Variants in SNX29 observed in about 807,000 individuals in gnomAD.
SNX29 encodes sorting nexin-29.
Under a neutral mutation model 102.1 loss-of-function variants are expected in SNX29, and 78 were observed. The observed-to-expected ratio is 0.76, with a 90% confidence interval of 0.64 to 0.92. SNX29 has a LOEUF of 0.92. Ranked by LOEUF, SNX29 falls within the 40% of genes least tolerant of loss-of-function variation. The pLI, the probability that SNX29 is intolerant of heterozygous loss-of-function variation, is 0.00. For synonymous variants in SNX29, 580 were observed against 414.5 expected, an observed-to-expected ratio of 1.40 and a Z score of -4.85; for missense variants, 1,280 against 1,061.7, an observed-to-expected ratio of 1.21 and a Z score of -2.86.
intron 15 of SNX29, among the ~76,000 whole-genome samples, chr16:12,351,071 T>A (rs2081979366): frequency 6.6e-6 from 1 of 152,204 alleles, no homozygotes; most frequent in African/African-American, 2.4e-5. Flanking sequence ...CTCTGTCACT[T>A]CCTTGTCCTG....
chr16:12,539,482 G>A (rs1243359740), intron 20 of SNX29, among the ~76,000 whole-genome samples: 2 of 152,324 alleles, frequency 1.3e-5, no homozygotes, highest in East Asian at 1.9e-4. Context: ...GGTTTATCTA[G>A]TCATAAAGGA....
intron 18 of SNX29, among the ~76,000 whole-genome samples, chr16:12,466,772 G>A (rs916198325): frequency 6.6e-6 from 1 of 152,230 alleles, no homozygotes; most frequent in Non-Finnish European, 1.5e-5. Context: ...GGCCATAGCA[G>A]TTGGCTGCCT....
At chr16:12,308,533 T>G (rs1354993121) in intron 15 of SNX29, among the ~76,000 whole-genome samples, 1 of 152,108 alleles carries the variant, frequency 6.6e-6, no homozygotes, top group Non-Finnish European at 1.5e-5. Context: ...TCGTCATCCC[T>G]CCTTCATGTT....
At chr16:11,991,717 T>C (rs2150989081) in intron 1 of SNX29, among the ~76,000 whole-genome samples, 1 of 148,822 alleles carries the variant, frequency 6.7e-6, no homozygotes, top group South Asian at 2.1e-4. Flanking sequence ...TAATCTTTTT[T>C]TTTTTTTTTT....
At chr16:12,066,203 C>G (rs2051029419) in intron 9 of SNX29, among the ~76,000 whole-genome samples, 1 of 152,184 alleles carries the variant, frequency 6.6e-6, no homozygotes, top group Non-Finnish European at 1.5e-5. Context: ...TAGTCTGACT[C>G]TGCATGAGTT....
intron 15 of SNX29, among the ~76,000 whole-genome samples, chr16:12,327,122 TC>T (rs1341621815): frequency 7.2e-5 from 11 of 152,130 alleles, no homozygotes; most frequent in Non-Finnish European, 1.5e-4. Context: ...ACCTCTGTCT[TC>T]CCCCTGTAAG....
At chr16:12,554,084 C>T (rs1217243494) in intron 20 of SNX29, among the ~76,000 whole-genome samples, 2 of 152,204 alleles carry the variant, frequency 1.3e-5, no homozygotes, top group African/African-American at 2.4e-5. Flanking sequence ...CCTTGGCCTC[C>T]CAAAAGCACT....
At chr16:12,497,020 G>A (rs1423751203) in intron 19 of SNX29, among the ~76,000 whole-genome samples, 2 of 152,172 alleles carry the variant, frequency 1.3e-5, no homozygotes, top group Non-Finnish European at 1.5e-5. Flanking sequence ...GGCCTTGGGT[G>A]AAGCCCAAGT....
chr16:12,282,775 C>T (rs1022088874), intron 15 of SNX29, among the ~76,000 whole-genome samples: 2 of 152,194 alleles, frequency 1.3e-5, no homozygotes, highest in African/African-American at 4.8e-5. Flanking sequence ...TCTGCCTCAG[C>T]CTCCTGAGTA....
intron 15 of SNX29, among the ~76,000 whole-genome samples, chr16:12,353,820 G>T (rs1352189909): frequency 6.6e-6 from 1 of 152,228 alleles, no homozygotes; most frequent in Non-Finnish European, 1.5e-5. Context: ...TACTCTTAAA[G>T]CAGTGGAAGC....
At chr16:12,111,094 G>C (rs2053484753) in intron 11 of SNX29, among the ~76,000 whole-genome samples, 2 of 152,120 alleles carry the variant, frequency 1.3e-5, no homozygotes, top group Admixed American at 6.5e-5. Flanking sequence ...TTACACGTGT[G>C]GGCCAGAAAG....
intron 19 of SNX29, among the ~76,000 whole-genome samples, chr16:12,514,365 G>A (rs1328711198): frequency 6.6e-6 from 1 of 152,098 alleles, no homozygotes; most frequent in Non-Finnish European, 1.5e-5. Flanking sequence ...GTCCCCCTAA[G>A]CTACTGTCTT....
At chr16:12,396,053 C>A (rs1182020166) in intron 16 of SNX29, among the ~76,000 whole-genome samples, 1 of 152,176 alleles carries the variant, frequency 6.6e-6, no homozygotes, top group Non-Finnish European at 1.5e-5. Context: ...TCCGGGTTTA[C>A]TGATCCTAAT....
At chr16:12,091,617 C>T (rs1439553984) in intron 11 of SNX29, among the ~76,000 whole-genome samples, 1 of 151,898 alleles carries the variant, frequency 6.6e-6, no homozygotes, top group Non-Finnish European at 1.5e-5. Context: ...TAGACCCTGT[C>T]TCTACACACA....
chr16:12,472,231 CAG>C (rs1491237568), intron 18 of SNX29, among the ~76,000 whole-genome samples: 22 of 112,718 alleles, frequency 2.0e-4, no homozygotes, highest in African/African-American at 5.8e-4. Flanking sequence ...AGTTCAAAAA[CAG>C]GGGAAGGCTG....
chr16:12,573,898 GCTTA>G lies in SNX29; in HGVS notation c.*5272_*5275del, dbSNP rs1257752543. The G allele has an allele frequency of 4.9e-6, 1 of 205,170 alleles. No homozygotes were observed. Among genetic ancestry groups the G allele is most frequent in the African/African-American group, 2.3e-5 (1 of 43,740 alleles). 12.7% of individuals were successfully genotyped at this position (205,170 alleles called of 1,614,324 possible). ...CCCTGGCTTAGCCGTCAGGTAGAAC[GCTTA>G]CTCACCTGACACCGACTTCTTAGAG... On this transcript the variant is annotated 3_prime_UTR_variant, in exon 21 of 21. Transcript: ENST00000566228.
chr16:11,984,382 A>AG (rs2055517131), intron 1 of SNX29, among the ~76,000 whole-genome samples: 1 of 69,244 alleles, frequency 1.4e-5, no homozygotes. Context: ...CTCAAAAAAA[A>AG]AAAAAGAAAA....
rs769281784 is a variant in SNX29 at position 12,570,144 on chromosome 16, C to G, written c.*1515C>G. 26 of 1,061,280 alleles carry G rather than the reference C, an allele frequency of 2.4e-5. No homozygotes were observed. The highest frequency in any genetic ancestry group is 1.1e-4 in the Admixed American group (2 of 18,688). The allele number at this position is 1,061,280 out of a possible 1,614,324, so 65.7% of individuals were successfully genotyped here. ...CATGGCCTTTAAGGAAGGCTGAGATCACTCACACACAGCGCCCCCCCACCC... is the reference window on the plus strand; with the variant it reads ...CATGGCCTTTAAGGAAGGCTGAGATGACTCACACACAGCGCCCCCCCACCC... On this transcript the variant is annotated 3_prime_UTR_variant, in exon 21 of 21. Coordinates refer to ENST00000566228, the MANE Select transcript of SNX29 (RefSeq NM_032167.5).
chr16:12,261,818 G>A (rs1850039525), intron 14 of SNX29, among the ~76,000 whole-genome samples: 1 of 125,758 alleles, frequency 8.0e-6, no homozygotes, highest in Admixed American at 8.3e-5. Flanking sequence ...GTCCCCGGCT[G>A]GAGTAAGTGT....
Sources: allele counts gnomAD v4.1 joint callset (sites outside exome capture counted in the v4.1 genomes callset), GRCh38; gene constraint gnomAD v4.1.1; transcripts MANE v1.5; gene names NCBI Gene and HGNC (gene_info 2026-07-23, HGNC 2026-07-21).